Variants in DYNC1LI1 observed in about 807,000 individuals in gnomAD.
DYNC1LI1 encodes the protein dynein cytoplasmic 1 light intermediate chain 1.
DYNC1LI1 carries 19 observed loss-of-function variants against 63.8 expected under a neutral mutation model. The ratio of observed to expected loss-of-function variants is 0.30; its 90% CI spans 0.21 to 0.44. The LOEUF (loss-of-function observed/expected upper bound fraction) is 0.44, where lower values mean the gene tolerates loss of function less well. Among genes scored for constraint, DYNC1LI1 ranks in the 20% least tolerant of loss-of-function variants. The pLI is 1.00. For synonymous variants in DYNC1LI1, 225 were observed against 232.3 expected (o/e 0.97, Z 0.28); for missense variants, 565 against 630.2 (o/e 0.90, Z 1.11).
chr3:32,544,825 G>A, intron 4 of DYNC1LI1, 51 bp downstream of exon 4: 1 of 1,320,950 alleles, frequency 7.6e-7, no homozygotes, highest in Non-Finnish European at 1.1e-6. Flanking sequence ...ATTAAAGTCA[G>A]CCAAGACATT....
intron 4 of DYNC1LI1, among the ~76,000 whole-genome samples, chr3:32,543,095 CT>C (rs959451295): frequency 6.6e-5 from 10 of 152,230 alleles, no homozygotes; most frequent in African/African-American, 2.4e-4. Context: ...AAAATGTGTA[CT>C]TTTGATATGT....
chr3:32,570,076 A>G, intron 2 of DYNC1LI1: 1 of 592,786 alleles, frequency 1.7e-6, no homozygotes, highest in South Asian at 1.9e-5. Context: ...GAGCGATCGA[A>G]TTCTGTCCTT....
At chr3:32,548,712 C>T (rs961502877) in intron 2 of DYNC1LI1, among the ~76,000 whole-genome samples, 1 of 152,120 alleles carries the variant, frequency 6.6e-6, no homozygotes, top group Non-Finnish European at 1.5e-5. Context: ...TAACAATATG[C>T]TGTACTGAAA....
In DYNC1LI1 at chr3:32,526,658, C is replaced by CA; in HGVS notation, c.*140dup. ...TCCTTCTAAAAAATGGGTAACCACA[C>CA]ACACACACACACACACACACGACAT... On this transcript the variant is annotated 3_prime_UTR_variant, in exon 13 of 13. Transcript: ENST00000273130. 1 of 587,916 alleles carries CA rather than the reference C, an allele frequency of 1.7e-6. No homozygotes were observed. Among genetic ancestry groups the CA allele is most frequent in the Non-Finnish European group, 3.0e-6 (1 of 330,136 alleles). 36.4% of individuals were successfully genotyped at this position (587,916 alleles called of 1,614,324 possible). A position where few individuals can be genotyped will look rare whatever the true frequency, so the allele number is the denominator to read the frequency against.
intron 7 of DYNC1LI1, among the ~76,000 whole-genome samples, chr3:32,533,717 A>C (rs1157463562): frequency 1.3e-5 from 2 of 150,888 alleles, no homozygotes; most frequent in East Asian, 3.9e-4. Context: ...GGTGTGTACC[A>C]CATCTGGCTG....
intron 2 of DYNC1LI1, among the ~76,000 whole-genome samples, chr3:32,549,451 T>A (rs1288108916): frequency 6.6e-6 from 1 of 152,064 alleles, no homozygotes; most frequent in Non-Finnish European, 1.5e-5. Context: ...TTTATTCTTA[T>A]GACAGGCTAC....
intron 5 of DYNC1LI1, among the ~76,000 whole-genome samples, chr3:32,537,981 TAA>T (rs1491412800): frequency 0.039 from 1,760 of 45,278 alleles, 227 homozygotes; most frequent in Non-Finnish European, 0.055. Context: ...TATTTATATA[TAA>T]TATATATATA....
chr3:32,540,888 A>C (rs958897578), intron 5 of DYNC1LI1, 149 bp downstream of exon 5: 8 of 488,728 alleles, frequency 1.6e-5, no homozygotes, highest in Non-Finnish European at 2.5e-5. Flanking sequence ...CAACATGTTA[A>C]TATCATTAAA....
At position 32,545,954 on chromosome 3, in the gene DYNC1LI1, C is replaced by A. The variant is rs1377239027; in HGVS notation, c.232G>T (p.Ala78Ser). Residue 78 changes from alanine (A) to serine (S), a missense_variant, in exon 3 of 13, where the codon GCT becomes TCT. Coordinates refer to ENST00000273130, the MANE Select transcript of DYNC1LI1 (RefSeq NM_016141.4). ...KNVLLLGEDG[A>S]GKTSLIRKIQ... ...TTTCTTATTAAGCTTGTTTTTCCAG[C>A]TCCATCTTCACCTAGATATGTAAAA... 6.3e-7 allele frequency: 1 copy of A among 1,595,046 alleles called. No individual in the cohort carries two copies. The highest frequency in any genetic ancestry group is 8.6e-7 in the Non-Finnish European group (1 of 1,163,826).
At position 32,531,859 on chromosome 3, in the gene DYNC1LI1, G is replaced by C. The variant is rs150683447; in HGVS notation, c.1080+1127C>G. The stretch of plus-strand genomic sequence containing the variant: ...CCTTCATCCGAAATGCTTGCGACCA[G>C]AAGTGGAAGTGTTTCAGATTGCTGA... On this transcript the variant is annotated intron_variant, in intron 8 of 12. Coordinates refer to ENST00000273130, the MANE Select transcript of DYNC1LI1 (RefSeq NM_016141.4). 2.6e-5 allele frequency: 4 copies of C among 152,268 alleles called. No homozygotes were observed. The East Asian group carries it at 5.8e-4, about 22-fold the overall frequency. 9.4% of individuals were successfully genotyped at this position (152,268 alleles called of 1,614,324 possible).
chr3:32,568,310 G>A (rs778123886), intron 2 of DYNC1LI1, among the ~76,000 whole-genome samples: 7 of 152,212 alleles, frequency 4.6e-5, no homozygotes, highest in African/African-American at 1.2e-4. Context: ...CATATGTGAC[G>A]GTGAAATGTC....
At chr3:32,535,302 T>C (rs908717638) in intron 6 of DYNC1LI1, among the ~76,000 whole-genome samples, 1 of 152,210 alleles carries the variant, frequency 6.6e-6, no homozygotes, top group Non-Finnish European at 1.5e-5. Context: ...ACACAGTGGA[T>C]GTAAATATTA....
intron 3 of DYNC1LI1, 58 bp downstream of exon 3, chr3:32,545,791 T>C: frequency 2.6e-6 from 3 of 1,151,844 alleles, no homozygotes; most frequent in Non-Finnish European, 3.9e-6. Flanking sequence ...AAGACTAATG[T>C]GAATGGCAGT....
intron 2 of DYNC1LI1, 138 bp downstream of exon 2, chr3:32,570,208 C>T (rs1288326718): frequency 1.3e-6 from 1 of 778,814 alleles, no homozygotes; most frequent in Non-Finnish European, 2.2e-6. Context: ...TCCCAGCCAT[C>T]CGCGACAGGT....
intron 8 of DYNC1LI1, 195 bp downstream of exon 8, chr3:32,532,791 C>A: frequency 1.1e-6 from 1 of 940,406 alleles, no homozygotes; most frequent in South Asian, 2.8e-5. Flanking sequence ...ATTTAATTAG[C>A]TGAATAGCTG....
chr3:32,541,296 T>C (rs1697878993), intron 4 of DYNC1LI1, 90 bp from the exon 5 acceptor site: 1 of 835,254 alleles, frequency 1.2e-6, no homozygotes, highest in African/African-American at 1.7e-5. Context: ...TTTACTCGAA[T>C]TTATACTTAG....
chr3:32,555,271 C>T (rs184909296), intron 2 of DYNC1LI1, among the ~76,000 whole-genome samples: 1 of 152,326 alleles, frequency 6.6e-6, no homozygotes, highest in Admixed American at 6.5e-5. Context: ...TAAGACCCCT[C>T]AGGGGATTAT....
intron 10 of DYNC1LI1, 57 bp from the exon 11 acceptor site, chr3:32,529,717 A>G: frequency 1.4e-6 from 2 of 1,457,628 alleles, no homozygotes; most frequent in Non-Finnish European, 1.9e-6. Context: ...TTTTCACAAA[A>G]GTTATTATTG....
At chr3:32,562,885 C>T (rs527914122) in intron 2 of DYNC1LI1, among the ~76,000 whole-genome samples, 40 of 152,246 alleles carry the variant, frequency 2.6e-4, no homozygotes, top group African/African-American at 7.9e-4. Context: ...GGACTCCTTC[C>T]GCCATATCTA....
Sources: allele counts gnomAD v4.1 joint callset (sites outside exome capture counted in the v4.1 genomes callset), GRCh38; gene constraint gnomAD v4.1.1; transcripts MANE v1.5; gene names NCBI Gene and HGNC (gene_info 2026-07-23, HGNC 2026-07-21).